ACOX2: variants seen among roughly 807,000 people sequenced by gnomAD.
ACOX2 encodes the protein acyl-CoA oxidase 2.
In ACOX2, 59 loss-of-function variants were observed where a neutral mutation model predicts 77.5. The observed-to-expected ratio is 0.76, with a 90% CI of 0.62 to 0.95. The LOEUF is 0.95. Ranked by LOEUF, ACOX2 falls within the 40% of genes least tolerant of loss-of-function variation. ACOX2 has a pLI of 0.00. For missense variants in ACOX2, 837 were observed against 880.4 expected (o/e 0.95, Z 0.62); for synonymous variants, 317 against 340.1 (o/e 0.93, Z 0.75).
Position 58,531,056 on chromosome 3 carries a change from C to G in ACOX2, c.819+195G>C, listed in dbSNP as rs540703233. On this transcript the variant is annotated intron_variant, in intron 7 of 14. Coordinates refer to ENST00000302819, the MANE Select transcript of ACOX2 (RefSeq NM_003500.4). The surrounding 1 kb of genome is among the most constrained non-coding windows in gnomAD (Gnocchi z 5.8). ...TGACGAGCATTTCTGCATGAGAGGT[C>G]TGAGGCTCTGTGCCCAAGATCATAC... Among the ~76,000 whole-genome samples the G allele has an allele frequency of 8.6e-4, 131 of 152,358 alleles. 1 individual carries two copies. The highest frequency in any genetic ancestry group is 3.0e-3 in the African/African-American group (125 of 41,586).
chr3:58,534,493 T>G lies in ACOX2; in HGVS notation c.190A>C (p.Ser64Arg). The G allele has an allele frequency of 6.2e-7, 1 of 1,614,196 alleles. No homozygotes were observed. The highest frequency in any genetic ancestry group is 8.5e-7 in the Non-Finnish European group (1 of 1,180,044). The change falls in exon 3 of 15, where the codon AGC becomes CGC. Residue 64 changes from serine to arginine, a missense_variant. Coordinates refer to ENST00000302819, the MANE Select transcript of ACOX2 (RefSeq NM_003500.4). The surrounding 1 kb of genome is among the most constrained non-coding windows in gnomAD (Gnocchi z 4.8). ...ESIIHSYPEF[S>R]CKDNYFMTQN... ...GTCATGAAATAATTGTCCTTACAGC[T>G]AAACTCCGGGTAACTGTGGATGATG... is the stretch of plus-strand genomic sequence containing the variant.
At chr3:58,527,743 G>A (rs1386260247) in intron 9 of ACOX2, among the ~76,000 whole-genome samples, 2 of 152,090 alleles carry the variant, frequency 1.3e-5, no homozygotes, top group African/African-American at 4.8e-5. Context: ...GGACTGGAGT[G>A]CAGTGGCACA....
At chr3:58,516,017 ACT>A (rs1166456976) in intron 13 of ACOX2, among the ~76,000 whole-genome samples, 7 of 148,452 alleles carry the variant, frequency 4.7e-5, no homozygotes, top group African/African-American at 1.5e-4. Flanking sequence ...TTTTTCTAGG[ACT>A]CTGATCAGGT....
Position 58,534,327 on chromosome 3 carries a change from C to G in ACOX2, c.323+33G>C. On this transcript the variant is annotated intron_variant, in intron 3 of 14. Transcript: ENST00000302819. This position sits in a 1 kb window ranked among gnomAD's most constrained non-coding sequence, Gnocchi z 4.8. ...GTTTCCAGGTGATCCCAGGTAGATC[C>G]CTCTCTAGTGGGGCTGCTCGAGGAG... 6.2e-7 allele frequency: 1 copy of G among 1,611,616 alleles called. No individual in the cohort carries two copies.
intron 13 of ACOX2, among the ~76,000 whole-genome samples, chr3:58,511,997 G>C (rs929074940): frequency 4.6e-5 from 7 of 152,182 alleles, no homozygotes; most frequent in African/African-American, 1.7e-4. Context: ...TCCTTGTGAT[G>C]TTCTTCTCAA....
At chr3:58,529,706 C>T (rs1576999045) in intron 8 of ACOX2, among the ~76,000 whole-genome samples, 1 of 152,184 alleles carries the variant, frequency 6.6e-6, no homozygotes, top group Non-Finnish European at 1.5e-5. Flanking sequence ...CCAGGCCAGG[C>T]GAGGGCGCTG....
In ACOX2 at chr3:58,522,984, G is replaced by A. The variant is rs533749708; in HGVS notation, c.1527-383C>T. 1.5e-4 allele frequency: 28 copies of A among 189,112 alleles called. No individual in the cohort carries two copies. Among genetic ancestry groups the A allele is most frequent in the Non-Finnish European group, 2.9e-4 (26 of 88,570 alleles). The allele number at this position is 189,112 out of a possible 1,614,324, so 11.7% of individuals were successfully genotyped here. A position where few individuals can be genotyped will look rare whatever the true frequency, so the allele number is the denominator to read the frequency against. On this transcript the variant is annotated intron_variant, in intron 11 of 14. Transcript: ENST00000302819. This position sits in a 1 kb window ranked among gnomAD's most constrained non-coding sequence, Gnocchi z 4.3. ...TGTTCAGGCCTTTTTGTTGACTGAC[G>A]TCCTGTGGCCTGAGCAAGGAGAATG...
intron 5 of ACOX2, among the ~76,000 whole-genome samples, chr3:58,532,168 A>G (rs917361408): frequency 2.0e-5 from 3 of 152,114 alleles, no homozygotes; most frequent in African/African-American, 7.2e-5. Context: ...GATGAGTCCC[A>G]TTTTCCAGTT....
chr3:58,520,425 G>T (rs921213819), intron 12 of ACOX2, among the ~76,000 whole-genome samples: 1 of 152,240 alleles, frequency 6.6e-6, no homozygotes, highest in African/African-American at 2.4e-5. Flanking sequence ...GTCAGAGTCT[G>T]AATTATAGGA....
Position 58,534,624 on chromosome 3 carries a change from G to A in ACOX2, c.161-102C>T, listed in dbSNP as rs377349192. The A allele has an allele frequency of 2.5e-6, 4 of 1,594,866 alleles. No individual in the cohort carries two copies. Among genetic ancestry groups the A allele is most frequent in the African/African-American group, 2.7e-5 (2 of 74,838 alleles). On this transcript the variant is annotated intron_variant, in intron 2 of 14. Transcript: ENST00000302819. The surrounding 1 kb of genome is among the most constrained non-coding windows in gnomAD (Gnocchi z 4.8). ...CTTCATGGATCTGGAAAGGAAGTCA[G>A]ACATTATTGTTATTTTACAGATGAC...
intron 8 of ACOX2, among the ~76,000 whole-genome samples, chr3:58,530,257 C>T (rs1357889316): frequency 6.6e-6 from 1 of 152,190 alleles, no homozygotes; most frequent in Non-Finnish European, 1.5e-5. Flanking sequence ...GCCGGCTGGT[C>T]AGCCCTGTTA....
Position 58,523,509 on chromosome 3 carries a change from A to T in ACOX2, c.1527-908T>A, listed in dbSNP as rs1560215819. Among the ~76,000 whole-genome samples, 1 of 152,218 alleles carries T rather than the reference A, an allele frequency of 6.6e-6. No homozygotes were observed. The highest frequency in any genetic ancestry group is 1.5e-5 in the Non-Finnish European group (1 of 68,038). ...TGCTTGTGATCTTGAAATAACTATT[A>T]ACCATCCCTGGGACCACAGGTTGGG... On this transcript the variant is annotated intron_variant, in intron 11 of 14. Transcript: ENST00000302819. The surrounding 1 kb of genome is among the most constrained non-coding windows in gnomAD (Gnocchi z 5.3).
Position 58,515,490 on chromosome 3 carries a change from T to C in ACOX2, c.1850+1716A>G, listed in dbSNP as rs1282838692. On this transcript the variant is annotated intron_variant, in intron 13 of 14. Coordinates refer to ENST00000302819, the MANE Select transcript of ACOX2 (RefSeq NM_003500.4). The surrounding 1 kb of genome is among the most constrained non-coding windows in gnomAD (Gnocchi z 4.0). ...AATTACAAATCTTTTAGAGACAGGG[T>C]CTCACTATGTTGCCCAAGCTAGTCT... 6.6e-6 allele frequency among the ~76,000 whole-genome samples: 1 copy of C among 152,062 alleles called. No homozygotes were observed. The highest frequency in any genetic ancestry group is 2.4e-5 in the African/African-American group (1 of 41,392).
Position 58,528,901 on chromosome 3 carries a change from G to A in ACOX2, c.1048C>T (p.Gln350Ter), listed in dbSNP as rs2063416581. ...TGGAAGGCATAACTGATGGCCAGCT[G>A]AGGAAAGAGTTTCTGCTGTTGTGTC... ...YQTQQQKLFPQLAISYAFHFL... is the reference protein window; with the variant it reads ...YQTQQQKLFP Residue 350 changes from glutamine to a stop codon, truncating the protein, a stop_gained, in exon 9 of 15, where the codon CAG (glutamine) becomes TAG (stop). Transcript: ENST00000302819. LOFTEE classifies it high-confidence loss of function. The surrounding 1 kb of genome is among the most constrained non-coding windows in gnomAD (Gnocchi z 5.6). 1.9e-6 allele frequency: 3 copies of A among 1,613,574 alleles called. No individual in the cohort carries two copies. The Admixed American group carries it at 5.0e-5, about 27-fold the overall frequency.
Position 58,514,089 on chromosome 3 carries a change from T to A in ACOX2, c.1850+3117A>T, listed in dbSNP as rs2107991295. ...ATTATCAACTATACCTGATGCTCCC[T>A]AGTCCACAGATCCTCTATTTACCCT... On this transcript the variant is annotated intron_variant, in intron 13 of 14. Coordinates refer to ENST00000302819, the MANE Select transcript of ACOX2 (RefSeq NM_003500.4). This position sits in a 1 kb window ranked among gnomAD's most constrained non-coding sequence, Gnocchi z 4.3. Among the ~76,000 whole-genome samples the A allele has an allele frequency of 6.6e-6, 1 of 152,318 alleles. No individual in the cohort carries two copies. The highest frequency in any genetic ancestry group is 6.5e-5 in the Admixed American group (1 of 15,304).
Position 58,533,423 on chromosome 3 carries a change from AGG to A in ACOX2, c.583+20_583+21del. The A allele has an allele frequency of 6.2e-7, 1 of 1,601,808 alleles. No individual in the cohort carries two copies. Among genetic ancestry groups the A allele is most frequent in the Non-Finnish European group, 8.6e-7 (1 of 1,169,444 alleles). On this transcript the variant is annotated intron_variant, in intron 5 of 14. Transcript: ENST00000302819. The surrounding 1 kb of genome is among the most constrained non-coding windows in gnomAD (Gnocchi z 5.6). Reference sequence around the variant, plus strand: ...TCTTCTACTTGGGGAGAGTTAAGGAAGGGGGGTGGATGTATACTCACAGTCTC... The same window carrying A: ...TCTTCTACTTGGGGAGAGTTAAGGAAGGGGTGGATGTATACTCACAGTCTC...
chr3:58,533,390 T>G lies in ACOX2; in HGVS notation c.583+55A>C. 4 of 1,514,398 alleles carry G rather than the reference T, an allele frequency of 2.6e-6. No homozygotes were observed. Among genetic ancestry groups the G allele is most frequent in the Non-Finnish European group, 3.7e-6 (4 of 1,092,304 alleles). The allele number at this position is 1,514,398 out of a possible 1,614,324, so 93.8% of individuals were successfully genotyped here. ...CCTCAAAGCCAGTGCTACTCTGCCC[T>G]CCAACATTCTTCTACTTGGGGAGAG... On this transcript the variant is annotated intron_variant, in intron 5 of 14. Coordinates refer to ENST00000302819, the MANE Select transcript of ACOX2 (RefSeq NM_003500.4). This position sits in a 1 kb window ranked among gnomAD's most constrained non-coding sequence, Gnocchi z 5.6.
chr3:58,505,263 A>G lies in ACOX2; in HGVS notation c.2007T>C (p.Tyr669=), dbSNP rs762112535. ...NTQENPAYEE[Y]IRPLLQSWRS... is the part of the protein sequence containing the mutation. ...TCCAACTTTGTAAAAGTGGTCTTAT[A>G]TATTCCTCATAGGCAGGGTTCTCCT... Residue 669 remains tyrosine, a synonymous_variant, in exon 15 of 15, where the codon TAT becomes TAC. Coordinates refer to ENST00000302819, the MANE Select transcript of ACOX2 (RefSeq NM_003500.4). The surrounding 1 kb of genome is among the most constrained non-coding windows in gnomAD (Gnocchi z 4.4). 22 of 1,613,070 alleles carry G rather than the reference A, an allele frequency of 1.4e-5. No individual in the cohort carries two copies. Among genetic ancestry groups the G allele is most frequent in the Admixed American group, 5.0e-5 (3 of 59,888 alleles).
Position 58,505,624 on chromosome 3 carries a change from G to T in ACOX2, c.1984-338C>A, listed in dbSNP as rs960732561. On this transcript the variant is annotated intron_variant, in intron 14 of 14. Coordinates refer to ENST00000302819, the MANE Select transcript of ACOX2 (RefSeq NM_003500.4). The surrounding 1 kb of genome is among the most constrained non-coding windows in gnomAD (Gnocchi z 4.4). ...AATCACAAAGCAAGGAACCAGATAG[G>T]GATCATATAAGCAGTATTCTAGGTC... Among the ~76,000 whole-genome samples, 7 of 152,066 alleles carry T rather than the reference G, an allele frequency of 4.6e-5. No homozygotes were observed. The highest frequency in any genetic ancestry group is 1.7e-4 in the African/African-American group (7 of 41,390).
Sources: allele counts gnomAD v4.1 joint callset (sites outside exome capture counted in the v4.1 genomes callset), GRCh38; gene constraint gnomAD v4.1.1; non-coding constraint Gnocchi (gnomAD v3.1); transcripts MANE v1.5; gene names NCBI Gene and HGNC (gene_info 2026-07-23, HGNC 2026-07-21).